PHACTR1: variants seen among roughly 807,000 people sequenced by gnomAD.
The protein encoded by PHACTR1 is phosphatase and actin regulator 1.
PHACTR1 carries 16 observed loss-of-function variants against 69.2 expected under a neutral mutation model. The ratio of observed to expected loss-of-function variants is 0.23; its 90% confidence interval spans 0.16 to 0.35. The LOEUF (loss-of-function observed/expected upper bound fraction) is 0.35. PHACTR1 is among the 10% of genes least tolerant of loss of function. The pLI is 1.00. For missense variants in PHACTR1, 510 were observed against 734.7 expected (o/e 0.69, Z 3.54); for synonymous variants, 312 against 284.5 (o/e 1.10, Z -0.97).
chr6:13,175,193 T>A (rs1761152646), intron 6 of PHACTR1, among the ~76,000 whole-genome samples: 1 of 152,220 alleles, frequency 6.6e-6, no homozygotes, highest in African/African-American at 2.4e-5. Flanking sequence ...TAGTTCTTGC[T>A]GTAATAGGTC....
At chr6:12,842,009 G>A (rs1182570059) in intron 4 of PHACTR1, among the ~76,000 whole-genome samples, 2 of 152,010 alleles carry the variant, frequency 1.3e-5, no homozygotes, top group Non-Finnish European at 2.9e-5. Flanking sequence ...AAACAATCAT[G>A]TTATTTTTAT....
At chr6:12,765,531 T>C (rs1279214289) in intron 4 of PHACTR1, among the ~76,000 whole-genome samples, 2 of 152,174 alleles carry the variant, frequency 1.3e-5, no homozygotes, top group Non-Finnish European at 2.9e-5. Context: ...TTTTTCATTA[T>C]CTAGTAATAT....
chr6:12,838,655 A>C (rs957272283), intron 4 of PHACTR1, among the ~76,000 whole-genome samples: 1 of 152,226 alleles, frequency 6.6e-6, no homozygotes, highest in East Asian at 1.9e-4. Context: ...ATGTGTTTGG[A>C]AAATGATTGC....
intron 10 of PHACTR1, among the ~76,000 whole-genome samples, chr6:13,241,916 C>CG (rs1772898319): frequency 4.0e-5 from 6 of 151,546 alleles, no homozygotes; most frequent in Non-Finnish European, 8.8e-5. Context: ...GCCTGTAGTC[C>CG]CAGCTACTTG....
At position 13,209,446 on chromosome 6, in the gene PHACTR1, T is replaced by C. The variant is rs369613188; in HGVS notation, c.986+3310T>C. 2.5e-4 allele frequency among the ~76,000 whole-genome samples: 38 copies of C among 152,336 alleles called. No homozygotes were observed. In the South Asian group the frequency reaches 7.5e-3, roughly 30 times the overall value. ...CACTCAGGCATCCTGCCTTTAAAGT[T>C]CCTTGGACCGACCCCCTGTTTGGGC... On this transcript the variant is annotated intron_variant, in intron 8 of 14. Coordinates refer to ENST00000332995, the MANE Select transcript of PHACTR1 (RefSeq NM_030948.6).
chr6:12,954,740 AT>A (rs1381890960), intron 4 of PHACTR1, among the ~76,000 whole-genome samples: 1 of 152,252 alleles, frequency 6.6e-6, no homozygotes, highest in African/African-American at 2.4e-5. Context: ...GGCTTATTTG[AT>A]GTTTTATTGT....
At chr6:12,766,128 C>T (rs943813502) in intron 4 of PHACTR1, among the ~76,000 whole-genome samples, 5 of 152,182 alleles carry the variant, frequency 3.3e-5, no homozygotes, top group East Asian at 1.9e-4. Context: ...TTTCTGAAAA[C>T]GATACCTGAA....
chr6:13,174,991 C>T (rs932113848), intron 6 of PHACTR1, among the ~76,000 whole-genome samples: 3 of 152,120 alleles, frequency 2.0e-5, no homozygotes, highest in East Asian at 1.9e-4. Context: ...TGCTGGACAC[C>T]GAAGATGCTC....
At chr6:12,909,223 A>G (rs1295191084) in intron 4 of PHACTR1, among the ~76,000 whole-genome samples, 1 of 152,158 alleles carries the variant, frequency 6.6e-6, no homozygotes, top group East Asian at 1.9e-4. Flanking sequence ...TCTCCCCACC[A>G]TTTGGTTACA....
intron 4 of PHACTR1, among the ~76,000 whole-genome samples, chr6:13,034,520 C>T (rs1561724757): frequency 3.3e-5 from 5 of 152,160 alleles, no homozygotes; most frequent in African/African-American, 1.2e-4. Context: ...TGAGAAAGAG[C>T]TCAAGATGAA....
chr6:12,957,102 T>TGGGGGGGGGGGGGGG (rs1582689554), intron 4 of PHACTR1, among the ~76,000 whole-genome samples: 1 of 75,670 alleles, frequency 1.3e-5, no homozygotes. Context: ...TGCTGGGGGG[T>TGGGGGGGGGGGGGGG]GGGGGAAAGG....
chr6:13,203,267 G>A (rs1029844340), intron 7 of PHACTR1, among the ~76,000 whole-genome samples: 1 of 152,168 alleles, frequency 6.6e-6, no homozygotes. Context: ...AAGATGCTGA[G>A]GTTTGAGGTA....
At position 12,988,161 on chromosome 6, in the gene PHACTR1, G is replaced by T. The variant is rs1796413387; in HGVS notation, c.251-65204G>T. Among the ~76,000 whole-genome samples, 3 of 152,208 alleles carry T rather than the reference G, an allele frequency of 2.0e-5. No homozygotes were observed. The South Asian group carries it at 6.2e-4, about 31-fold the overall frequency. On this transcript the variant is annotated intron_variant, in intron 4 of 14. Transcript: ENST00000332995. ...AATATTGGAAATTGAATGCCTTAGG[G>T]TCCATTTGCAGTACATATTGGCAGG... is the stretch of plus-strand genomic sequence containing the variant.
At chr6:12,908,041 G>A (rs1785941263) in intron 4 of PHACTR1, among the ~76,000 whole-genome samples, 3 of 152,192 alleles carry the variant, frequency 2.0e-5, no homozygotes, top group Admixed American at 6.5e-5. Context: ...ATGTAGCTGT[G>A]AGACATTCAC....
chr6:13,072,447 GAC>G (rs1261931286), intron 5 of PHACTR1, among the ~76,000 whole-genome samples: 1 of 150,522 alleles, frequency 6.6e-6, no homozygotes, highest in Non-Finnish European at 1.5e-5. Flanking sequence ...CCTTAATTCT[GAC>G]AGTCTTATAC....
intron 4 of PHACTR1, among the ~76,000 whole-genome samples, chr6:12,761,361 T>C (rs1462137936): frequency 6.6e-6 from 1 of 152,216 alleles, no homozygotes; most frequent in Non-Finnish European, 1.5e-5. Flanking sequence ...CCAGAAACAC[T>C]GACTCCAGCA....
chr6:13,141,434 C>A (rs1463254989), intron 5 of PHACTR1, among the ~76,000 whole-genome samples: 1 of 152,186 alleles, frequency 6.6e-6, no homozygotes, highest in African/African-American at 2.4e-5. Flanking sequence ...TAAGGATTGC[C>A]TGTTCGTCAG....
At chr6:13,081,279 G>A (rs1004079138) in intron 5 of PHACTR1, among the ~76,000 whole-genome samples, 3 of 152,184 alleles carry the variant, frequency 2.0e-5, no homozygotes, top group Non-Finnish European at 4.4e-5. Context: ...CATGCGTGAA[G>A]TGGTGGGTTT....
rs74624314 is a variant in PHACTR1, at chr6:13,120,476, C to T, written c.416-39728C>T. Among the ~76,000 whole-genome samples the T allele has an allele frequency of 1.8e-3, 281 of 152,298 alleles. 5 individuals are homozygous for T. In the East Asian group the frequency reaches 0.045, roughly 25 times the overall value. On this transcript the variant is annotated intron_variant, in intron 5 of 14. Coordinates refer to ENST00000332995, the MANE Select transcript of PHACTR1 (RefSeq NM_030948.6). The stretch of plus-strand genomic sequence containing the variant: ...TCCAGGAAGGCTGACTGTCGAAGCA[C>T]GCTGCTGGCCACTTCTGTCTTCACA...
Sources: gnomAD v4.1 joint callset for allele counts (sites outside exome capture counted in the v4.1 genomes callset) on GRCh38, gnomAD v4.1.1 for gene constraint, MANE v1.5 for transcripts, NCBI Gene and HGNC (gene_info 2026-07-23, HGNC 2026-07-21) for gene names.